The following MID1 variants were observed in gnomAD, a reference collection of about 807,000 sequenced individuals.
The protein encoded by MID1 is midline 1.
Under a neutral mutation model 40.4 loss-of-function variants are expected in MID1, and 7 were observed. That is an observed-to-expected ratio of 0.17 (90% CI 0.10 to 0.33). The LOEUF is 0.33. Ranked by LOEUF, MID1 falls within the 10% of genes least tolerant of loss-of-function variation. The pLI is 1.00. For missense variants in MID1, 367 were observed against 558.5 expected, an observed-to-expected ratio of 0.66 and a Z score of 3.46; for synonymous variants, 229 against 221.2, an observed-to-expected ratio of 1.04 and a Z score of -0.31.
At chrX:10,640,565 G>A (rs760432301) in intron 1 of MID1, among the ~76,000 whole-genome samples, 3 of 111,312 alleles carry the variant, frequency 2.7e-5, no homozygotes, top group African/African-American at 9.8e-5. Context: ...CAATAATAAT[G>A]GGAGACGTTA....
At chrX:10,773,940 C>T (rs1223876788) in intron 1 of MID1, among the ~76,000 whole-genome samples, 1 of 112,025 alleles carries the variant, frequency 8.9e-6, no homozygotes, top group Non-Finnish European at 1.9e-5. Context: ...ACCTCCATAT[C>T]TAAATGAGCA....
intron 2 of MID1, among the ~76,000 whole-genome samples, chrX:10,533,394 A>G (rs4996837): frequency 0.061 from 2,452 of 40,295 alleles, 40 homozygotes; most frequent in East Asian, 0.13. Flanking sequence ...AAGAAAGAAA[A>G]GAAAGAAAGA....
intron 1 of MID1, among the ~76,000 whole-genome samples, chrX:10,776,247 G>A (rs1253840608): frequency 9.0e-6 from 1 of 111,650 alleles, no homozygotes; most frequent in African/African-American, 3.3e-5. Context: ...ATAAAGTCAT[G>A]AAATTTTAAA....
In MID1 at chrX:10,636,785, G is replaced by GAGATATATATATATATATATATAT. The variant is rs757390504; in HGVS notation, c.-186-16367_-186-16366insATATATATATATATATATATATCT. On this transcript the variant is annotated intron_variant, in intron 1 of 10. Transcript: ENST00000380785. ...CAAACTGGGCCATTCCAACAATGGG[G>GAGATATATATATATATATATATAT]ATATATATATATATATATATATATA... Among the ~76,000 whole-genome samples the GAGATATATATATATATATATATAT allele has an allele frequency of 1.2e-3, 53 of 42,704 alleles. 1 individual carries two copies. The highest frequency in any genetic ancestry group is 1.8e-3 in the Admixed American group (7 of 3,997). 37.1% of individuals were successfully genotyped at this position (42,704 alleles called of 115,157 possible).
chrX:10,746,348 G>A (rs894797641), intron 1 of MID1, among the ~76,000 whole-genome samples: 1 of 111,821 alleles, frequency 8.9e-6, no homozygotes, highest in Non-Finnish European at 1.9e-5. Context: ...CCAATTTTTA[G>A]GCTTGTGCAA....
At chrX:10,780,426 G>A (rs781723391) in intron 1 of MID1, among the ~76,000 whole-genome samples, 75 of 111,797 alleles carry the variant, frequency 6.7e-4, no homozygotes, top group African/African-American at 2.4e-3. Flanking sequence ...ATGGTGGGAG[G>A]GGTGTGGAGG....
chrX:10,460,550 C>G (rs781422572), intron 7 of MID1, among the ~76,000 whole-genome samples: 4 of 111,067 alleles, frequency 3.6e-5, no homozygotes, highest in Non-Finnish European at 5.7e-5. Flanking sequence ...TCCAACTCCC[C>G]TCTCTCCTTT....
intron 1 of MID1, among the ~76,000 whole-genome samples, chrX:10,611,743 G>A (rs1935740671): frequency 9.0e-6 from 1 of 111,234 alleles, no homozygotes; most frequent in South Asian, 3.8e-4. Context: ...ATTTCAAAAG[G>A]AAAATGCAAG....
At chrX:10,753,882 A>C (rs942780549) in intron 1 of MID1, among the ~76,000 whole-genome samples, 3 of 112,365 alleles carry the variant, frequency 2.7e-5, no homozygotes, top group African/African-American at 9.7e-5. Context: ...AAAATAATAA[A>C]ATAGGGTATT....
chrX:10,635,660 T>C (rs180934820), intron 1 of MID1, among the ~76,000 whole-genome samples: 1 of 112,210 alleles, frequency 8.9e-6, no homozygotes, highest in African/African-American at 3.2e-5. Context: ...ATTGTCATGC[T>C]GAAATTCTCC....
chrX:10,756,386 T>C (rs983012779), intron 1 of MID1, among the ~76,000 whole-genome samples: 6 of 112,831 alleles, frequency 5.3e-5, no homozygotes, highest in Admixed American at 3.7e-4. Context: ...CTTTTAATTC[T>C]GAGAGCATTT....
intron 1 of MID1, among the ~76,000 whole-genome samples, chrX:10,826,255 A>G (rs2044216276): frequency 9.1e-6 from 1 of 110,247 alleles, no homozygotes; most frequent in South Asian, 3.9e-4. Flanking sequence ...ACTCCTTTCG[A>G]TTTCACCTCT....
At chrX:10,494,771 CAA>C (rs58092232) in intron 4 of MID1, among the ~76,000 whole-genome samples, 727 of 31,954 alleles carry the variant, frequency 0.023, 7 homozygotes, top group African/African-American at 0.057. Flanking sequence ...AAGACTGTCT[CAA>C]AAAAAAAAAA....
rs1308961185 is a variant in MID1, at chrX:10,588,583, TTCTC to T, written c.-56-20984_-56-20981del. On this transcript the variant is annotated intron_variant, in intron 1 of 9. Transcript: ENST00000317552. ...TTTTTTTTTTTAACTACTTGTATAT[TTCTC>T]TCTTTCTCTTTTTCTTTCTCTCTTT... 5.4e-5 allele frequency among the ~76,000 whole-genome samples: 6 copies of T among 110,850 alleles called. No individual in the cohort carries two copies. In the East Asian group the frequency reaches 1.4e-3, roughly 26 times the overall value.
intron 1 of MID1, among the ~76,000 whole-genome samples, chrX:10,697,476 A>G (rs144768370): frequency 0.019 from 2,156 of 112,081 alleles, 50 homozygotes; most frequent in African/African-American, 0.066. Flanking sequence ...TAAGGAGAGA[A>G]GATGATTTAT....
chrX:10,466,511 T>C (rs1317326442), intron 7 of MID1, among the ~76,000 whole-genome samples: 1 of 111,488 alleles, frequency 9.0e-6, no homozygotes, highest in Non-Finnish European at 1.9e-5. Context: ...TTGGGCCAGA[T>C]AGTTCTCTGT....
intron 1 of MID1, among the ~76,000 whole-genome samples, chrX:10,803,352 C>CTTTTTT (rs757624510): frequency 1.1e-5 from 1 of 90,693 alleles, no homozygotes; most frequent in Non-Finnish European, 2.2e-5. Flanking sequence ...ACTATATTTT[C>CTTTTTT]TTTTTTTTTT....
intron 1 of MID1, among the ~76,000 whole-genome samples, chrX:10,608,912 G>GT (rs927398019): frequency 8.9e-6 from 1 of 111,886 alleles, no homozygotes; most frequent in Non-Finnish European, 1.9e-5. Context: ...AGGTATAGCT[G>GT]TAAGTATAAG....
chrX:10,558,229 T>C (rs1055035511), intron 2 of MID1, among the ~76,000 whole-genome samples: 1 of 111,471 alleles, frequency 9.0e-6, no homozygotes, highest in Non-Finnish European at 1.9e-5. Context: ...CTAGTTAGGA[T>C]TGTCTAAAAT....
Sources: gnomAD v4.1 joint callset for allele counts (sites outside exome capture counted in the v4.1 genomes callset) on GRCh38, gnomAD v4.1.1 for gene constraint, MANE v1.5 for transcripts, NCBI Gene and HGNC (gene_info 2026-07-23, HGNC 2026-07-21) for gene names.